DSG3: variants seen among roughly 807,000 people sequenced by gnomAD.
DSG3 encodes the protein desmoglein 3.
DSG3 carries 63 observed loss-of-function variants against 85.9 expected under a neutral mutation model. The ratio of observed to expected loss-of-function variants is 0.73; its 90% CI spans 0.60 to 0.90. The LOEUF is 0.90. DSG3 is among the 40% of genes least tolerant of loss of function. The pLI is 0.00. For missense variants in DSG3, 1,220 were observed against 1,219.9 expected, an observed-to-expected ratio of 1.00 and a Z score of 0.00; for synonymous variants, 447 against 441.9, an observed-to-expected ratio of 1.01 and a Z score of -0.14.
At chr18:31,453,575 T>G (rs1253959329) in intron 1 of DSG3, among the ~76,000 whole-genome samples, 1 of 152,196 alleles carries the variant, frequency 6.6e-6, no homozygotes, top group African/African-American at 2.4e-5. Flanking sequence ...TCAAATTGCT[T>G]TATTTCATAT....
chr18:31,466,603 T>G lies in DSG3; in HGVS notation c.1485T>G (p.Ala495=), dbSNP rs2072820182. 1 of 1,614,088 alleles carries G rather than the reference T, an allele frequency of 6.2e-7. No homozygotes were observed. The highest frequency in any genetic ancestry group is 1.1e-5 in the South Asian group (1 of 91,094). Reference sequence around the variant, plus strand: ...ATTTCAATGACAATTGTCCAACAGCTGTCCTCGAAAAAGATGCAGTTTGCA... The same window carrying G: ...ATTTCAATGACAATTGTCCAACAGCGGTCCTCGAAAAAGATGCAGTTTGCA... The part of the protein sequence containing the change: ...VPDFNDNCPT[A]VLEKDAVCSS... The change falls in exon 11 of 16, where the codon GCT becomes GCG. Residue 495 remains alanine (A), a synonymous_variant. Coordinates refer to ENST00000257189, the MANE Select transcript of DSG3 (RefSeq NM_001944.3).
chr18:31,468,866 A>T (rs2072837502), intron 11 of DSG3, among the ~76,000 whole-genome samples: 1 of 152,134 alleles, frequency 6.6e-6, no homozygotes, highest in African/African-American at 2.4e-5. Flanking sequence ...ACGTGCTCTC[A>T]TGCTCTCTTG....
chr18:31,475,582 G>A, intron 15 of DSG3, 64 bp from the exon 16 acceptor site: 1 of 1,557,836 alleles, frequency 6.4e-7, no homozygotes, highest in East Asian at 2.2e-5. Context: ...TCTACAAACA[G>A]TATTATATTG....
At chr18:31,450,196 C>A (rs1162582951) in intron 1 of DSG3, among the ~76,000 whole-genome samples, 1 of 152,090 alleles carries the variant, frequency 6.6e-6, no homozygotes, top group Non-Finnish European at 1.5e-5. Context: ...GCAATCAAGT[C>A]TTTATGGATT....
intron 8 of DSG3, among the ~76,000 whole-genome samples, chr18:31,463,727 T>C (rs998193585): frequency 1.3e-5 from 2 of 152,190 alleles, no homozygotes; most frequent in African/African-American, 4.8e-5. Context: ...AAGGCTTTTT[T>C]TTCAGAAGTG....
intron 2 of DSG3, 125 bp from the exon 3 acceptor site, chr18:31,456,868 T>C: frequency 1.1e-6 from 1 of 883,682 alleles, no homozygotes; most frequent in Non-Finnish European, 1.7e-6. Flanking sequence ...TAGAGCTAAT[T>C]AGATACCTAA....
At chr18:31,456,938 C>A in intron 2 of DSG3, 55 bp from the exon 3 acceptor site, 2 of 1,570,366 alleles carry the variant, frequency 1.3e-6, no homozygotes, top group Non-Finnish European at 1.7e-6. Context: ...AATCAATATT[C>A]TAAGCAAAAA....
chr18:31,462,000 G>T (rs562927565), intron 8 of DSG3, among the ~76,000 whole-genome samples: 1 of 152,264 alleles, frequency 6.6e-6, no homozygotes, highest in Non-Finnish European at 1.5e-5. Flanking sequence ...CCTTGGTACA[G>T]CACTTTGGTT....
chr18:31,457,805 A>T (rs1038305078), intron 3 of DSG3, among the ~76,000 whole-genome samples: 3 of 151,390 alleles, frequency 2.0e-5, no homozygotes, highest in Non-Finnish European at 2.9e-5. Context: ...TTGTTTTTGT[A>T]TTTTTAGTAG....
intron 11 of DSG3, among the ~76,000 whole-genome samples, chr18:31,468,492 T>C (rs1212495569): frequency 1.3e-5 from 2 of 152,122 alleles, no homozygotes; most frequent in Non-Finnish European, 2.9e-5. Context: ...TGGGAGAGAA[T>C]AATTGGCCTA....
rs779417216 is a variant in DSG3, at chr18:31,464,117, G to A, written c.1006G>A (p.Asp336Asn). 6.2e-7 allele frequency: 1 copy of A among 1,610,830 alleles called. No homozygotes were observed. Among genetic ancestry groups the A allele is most frequent in the Non-Finnish European group, 8.5e-7 (1 of 1,178,198 alleles). ...AATTTTATTTTTTCTCCAGGCTCTA[G>A]ATTATGAACAACTACAAAGCGTGAA... is the stretch of plus-strand genomic sequence containing the variant. ...EGILKVVKAL[D>N]YEQLQSVKLS... is the part of the protein sequence containing the mutation. The change falls in exon 9 of 16, where the codon GAT becomes AAT. Residue 336 changes from aspartate to asparagine, a missense_variant. Physicochemically the swap from Asp to Asn is conservative, Grantham distance 23. Transcript: ENST00000257189.
At chr18:31,456,409 A>G in intron 1 of DSG3, 31 bp from the exon 2 acceptor site, 1 of 1,323,402 alleles carries the variant, frequency 7.6e-7, no homozygotes, top group Non-Finnish European at 9.8e-7. Context: ...AAGAATTCAC[A>G]TTTAATTCGA....
rs2072874044 is a variant in DSG3 at position 31,474,337 on chromosome 18, G to A, written c.2318G>A (p.Gly773Glu). 2.5e-6 allele frequency: 4 copies of A among 1,614,194 alleles called. No individual in the cohort carries two copies. Among genetic ancestry groups the A allele is most frequent in the Admixed American group, 1.7e-5 (1 of 60,026 alleles). ...ACCATGAGAACAAGGCATTCCACTG[G>A]AGGAACCAATAAGGACTACGCTGAT... ...SGTMRTRHST[G>E]GTNKDYADGA... Residue 773 changes from glycine (G) to glutamate (E), a missense_variant, in exon 15 of 16, where the codon GGA becomes GAA. Gly to Glu is a moderately conservative substitution (Grantham distance 98, BLOSUM62 -2). Coordinates refer to ENST00000257189, the MANE Select transcript of DSG3 (RefSeq NM_001944.3).
chr18:31,458,651 C>CT, intron 4 of DSG3, 51 bp downstream of exon 4: 1 of 1,562,530 alleles, frequency 6.4e-7, no homozygotes, highest in Non-Finnish European at 8.7e-7. Flanking sequence ...TATACCATCG[C>CT]TTTAGAAAGT....
At chr18:31,452,141 T>A (rs1369801376) in intron 1 of DSG3, among the ~76,000 whole-genome samples, 1 of 152,208 alleles carries the variant, frequency 6.6e-6, no homozygotes, top group Admixed American at 6.5e-5. Context: ...AGTGGAGTAC[T>A]GTTTCTTTTC....
At chr18:31,472,159 C>T (rs969040960) in intron 12 of DSG3, 125 bp from the exon 13 acceptor site, 9 of 1,409,802 alleles carry the variant, frequency 6.4e-6, no homozygotes, top group Non-Finnish European at 7.7e-6. Flanking sequence ...TTTTGGTTTT[C>T]ATTAGGAATT....
At chr18:31,469,473 G>A in intron 12 of DSG3, 124 bp downstream of exon 12, 1 of 1,353,682 alleles carries the variant, frequency 7.4e-7, no homozygotes, top group Non-Finnish European at 9.9e-7. Flanking sequence ...GGTAAAGCTA[G>A]GGGAAAATGG....
chr18:31,456,408 CA>C, intron 1 of DSG3, 31 bp from the exon 2 acceptor site: 1 of 1,315,438 alleles, frequency 7.6e-7, no homozygotes, highest in Non-Finnish European at 9.9e-7. Context: ...GAAGAATTCA[CA>C]TTTAATTCGA....
chr18:31,450,861 G>T (rs1344942461), intron 1 of DSG3, among the ~76,000 whole-genome samples: 1 of 152,198 alleles, frequency 6.6e-6, no homozygotes, highest in Non-Finnish European at 1.5e-5. Context: ...ACTATTTTTA[G>T]TAATGGGGTA....
Sources: gnomAD v4.1 joint callset for allele counts (sites outside exome capture counted in the v4.1 genomes callset) on GRCh38, gnomAD v4.1.1 for gene constraint, MANE v1.5 for transcripts, NCBI Gene and HGNC (gene_info 2026-07-23, HGNC 2026-07-21) for gene names.